LRMDA: variants seen among roughly 807,000 people sequenced by gnomAD.
LRMDA encodes leucine rich melanocyte differentiation associated, also known as leucine-rich melanocyte differentiation-associated protein.
A neutral mutation model predicts 29.8 loss-of-function variants in LRMDA; 18 were observed. The ratio of observed to expected loss-of-function variants is 0.60; its 90% CI spans 0.42 to 0.90. The LOEUF (loss-of-function observed/expected upper bound fraction) is 0.90. LRMDA is among the 40% of genes least tolerant of loss of function. LRMDA has a pLI of 0.00. For missense variants in LRMDA, 273 were observed against 273.9 expected (o/e 1.00, Z 0.02); for synonymous variants, 125 against 109.4 (o/e 1.14, Z -0.89).
chr10:75,708,517 G>A (rs887169793), intron 2 of LRMDA, among the ~76,000 whole-genome samples: 5 of 152,140 alleles, frequency 3.3e-5, no homozygotes, highest in East Asian at 1.9e-4. Context: ...ATTTAATACC[G>A]CAATGCCAGA....
intron 6 of LRMDA, among the ~76,000 whole-genome samples, chr10:76,498,353 T>C (rs150998439): frequency 1.3e-5 from 1 of 75,166 alleles, no homozygotes; most frequent in African/African-American, 3.2e-5. Context: ...GAGGCTGTGT[T>C]GAGATCTGAG....
intron 2 of LRMDA, among the ~76,000 whole-genome samples, chr10:75,838,763 C>CA (rs1193266386): frequency 6.6e-6 from 1 of 152,238 alleles, no homozygotes; most frequent in African/African-American, 2.4e-5. Context: ...CTTGGTAACA[C>CA]AAAGAGTATT....
At chr10:75,443,002 T>C (rs1844346775) in intron 2 of LRMDA, among the ~76,000 whole-genome samples, 1 of 152,120 alleles carries the variant, frequency 6.6e-6, no homozygotes, top group Non-Finnish European at 1.5e-5. Context: ...GATTAAGTTT[T>C]TTGGATAATT....
intron 5 of LRMDA, among the ~76,000 whole-genome samples, chr10:76,212,788 A>G (rs1851659810): frequency 6.6e-6 from 1 of 152,348 alleles, no homozygotes; most frequent in African/African-American, 2.4e-5. Flanking sequence ...GAGTTTGCTC[A>G]TAATCATGGA....
At chr10:75,924,383 C>G (rs1173971368) in intron 2 of LRMDA, among the ~76,000 whole-genome samples, 2 of 151,978 alleles carry the variant, frequency 1.3e-5, no homozygotes, top group East Asian at 3.9e-4. Flanking sequence ...CATGCAAGCC[C>G]CATAAAAAAG....
intron 6 of LRMDA, among the ~76,000 whole-genome samples, chr10:76,467,002 T>C (rs951105284): frequency 2.0e-5 from 3 of 152,212 alleles, no homozygotes; most frequent in African/African-American, 7.2e-5. Context: ...ACCAACTTCC[T>C]ATTCTTAGCC....
At chr10:76,389,832 C>G (rs1564528047) in intron 6 of LRMDA, among the ~76,000 whole-genome samples, 1 of 152,074 alleles carries the variant, frequency 6.6e-6, no homozygotes, top group Non-Finnish European at 1.5e-5. Context: ...GAATAATATC[C>G]AATTGTATCT....
intron 2 of LRMDA, among the ~76,000 whole-genome samples, chr10:75,461,187 A>G (rs1053044717): frequency 1.1e-4 from 17 of 152,212 alleles, no homozygotes; most frequent in African/African-American, 3.6e-4. Flanking sequence ...TATATTTGTT[A>G]TGCTAGGTTT....
chr10:75,473,788 G>T (rs1844755748), intron 2 of LRMDA, among the ~76,000 whole-genome samples: 1 of 152,166 alleles, frequency 6.6e-6, no homozygotes, highest in African/African-American at 2.4e-5. Flanking sequence ...GGCTGCTCTT[G>T]TTTGTGTCAT....
intron 2 of LRMDA, among the ~76,000 whole-genome samples, chr10:75,474,087 T>C (rs888129781): frequency 6.6e-5 from 10 of 152,214 alleles, no homozygotes; most frequent in African/African-American, 2.2e-4. Context: ...AACATGCAGT[T>C]GCATACACTG....
chr10:76,447,075 A>G (rs192062519), intron 6 of LRMDA, among the ~76,000 whole-genome samples: 29 of 148,912 alleles, frequency 1.9e-4, no homozygotes, highest in African/African-American at 6.0e-4. Flanking sequence ...TAACCTCATT[A>G]TGTCTCAGTG....
At chr10:75,755,182 C>G (rs1468604366) in intron 2 of LRMDA, among the ~76,000 whole-genome samples, 3 of 152,146 alleles carry the variant, frequency 2.0e-5, no homozygotes, top group East Asian at 1.9e-4. Context: ...TCACTTTGCT[C>G]TGTTCTTTGC....
chr10:75,882,964 C>T (rs571581792), intron 2 of LRMDA, among the ~76,000 whole-genome samples: 12 of 152,158 alleles, frequency 7.9e-5, no homozygotes, highest in African/African-American at 1.4e-4. Context: ...TTTCATTAAG[C>T]GTAATTTACA....
intron 2 of LRMDA, among the ~76,000 whole-genome samples, chr10:75,642,182 G>A (rs1841462355): frequency 1.3e-5 from 2 of 152,184 alleles, no homozygotes; most frequent in Non-Finnish European, 2.9e-5. Context: ...CACGTGGAAA[G>A]ATATGAAAAG....
At chr10:75,716,024 A>G (rs908659811) in intron 2 of LRMDA, among the ~76,000 whole-genome samples, 2 of 152,206 alleles carry the variant, frequency 1.3e-5, no homozygotes, top group Admixed American at 6.5e-5. Context: ...TAGAAGAGGC[A>G]TGCTGGAAGA....
chr10:75,690,295 A>C (rs775011493), intron 2 of LRMDA, among the ~76,000 whole-genome samples: 5 of 152,152 alleles, frequency 3.3e-5, no homozygotes, highest in South Asian at 2.1e-4. Context: ...GTTATAACCC[A>C]GGTCCCCTGA....
At chr10:75,651,155 T>C (rs1347836821) in intron 2 of LRMDA, among the ~76,000 whole-genome samples, 1 of 152,182 alleles carries the variant, frequency 6.6e-6, no homozygotes, top group African/African-American at 2.4e-5. Flanking sequence ...GAGGTTTCTG[T>C]ACTCTGTGTG....
At chr10:75,874,101 C>T (rs1309765544) in intron 2 of LRMDA, among the ~76,000 whole-genome samples, 2 of 152,138 alleles carry the variant, frequency 1.3e-5, no homozygotes, top group African/African-American at 4.8e-5. Context: ...CCTCTTTGAA[C>T]TCAAGAGGTG....
At chr10:75,803,960 G>A (rs1030172016) in intron 2 of LRMDA, among the ~76,000 whole-genome samples, 6 of 152,212 alleles carry the variant, frequency 3.9e-5, no homozygotes, top group Non-Finnish European at 7.3e-5. Context: ...GTCAAAGATA[G>A]CGTGGCCTTT....
Sources: gnomAD v4.1 joint callset for allele counts (sites outside exome capture counted in the v4.1 genomes callset) on GRCh38, gnomAD v4.1.1 for gene constraint, MANE v1.5 for transcripts, NCBI Gene and HGNC (gene_info 2026-07-23, HGNC 2026-07-21) for gene names.